XIRP2: variants seen among roughly 807,000 people sequenced by gnomAD.
XIRP2 encodes xin actin-binding repeat-containing protein 2.
A neutral mutation model predicts 277.0 loss-of-function variants in XIRP2; 236 were observed. The observed-to-expected ratio is 0.85, with a 90% CI of 0.77 to 0.95. The LOEUF (loss-of-function observed/expected upper bound fraction) is 0.95. Among genes scored for constraint, XIRP2 ranks in the 40% least tolerant of loss-of-function variants. The probability of loss-of-function intolerance (pLI) is 0.00; values close to 1 mark genes in which losing one functional copy is unlikely to be tolerated. For missense variants in XIRP2, 4,640 were observed against 4,157.5 expected, an observed-to-expected ratio of 1.12 and a Z score of -3.19; for synonymous variants, 1,490 against 1,416.5, an observed-to-expected ratio of 1.05 and a Z score of -1.17.
At chr2:167,041,220 A>G (rs1688654145) in intron 2 of XIRP2, among the ~76,000 whole-genome samples, 1 of 152,186 alleles carries the variant, frequency 6.6e-6, no homozygotes, top group South Asian at 2.1e-4. Flanking sequence ...GCTCACATAT[A>G]TGAGAAAGAA....
chr2:167,166,145 T>TAA (rs910103074), intron 3 of XIRP2, among the ~76,000 whole-genome samples: 7 of 152,220 alleles, frequency 4.6e-5, no homozygotes, highest in Non-Finnish European at 1.0e-4. Flanking sequence ...CAAATTTTGA[T>TAA]AAGTTGTATT....
intron 2 of XIRP2, among the ~76,000 whole-genome samples, chr2:167,056,316 T>A (rs1032721518): frequency 2.6e-5 from 4 of 152,174 alleles, no homozygotes; most frequent in Non-Finnish European, 5.9e-5. Flanking sequence ...AATTACTTTT[T>A]TACAGATACA....
rs1559050182 is a variant in XIRP2, at chr2:167,259,131, T to C, written c.*1314T>C. 2 of 1,612,646 alleles carry C rather than the reference T, an allele frequency of 1.2e-6. No homozygotes were observed. Among genetic ancestry groups the C allele is most frequent in the African/African-American group, 1.3e-5 (1 of 74,902 alleles). The stretch of plus-strand genomic sequence containing the variant: ...TTCAATTGTGATTTAATAGATTCTG[T>C]AGATCAAATTAAAAATATGCCATGC... On this transcript the variant is annotated 3_prime_UTR_variant, in exon 11 of 11. Coordinates refer to ENST00000409195, the MANE Select transcript of XIRP2 (RefSeq NM_152381.6).
At chr2:167,080,470 T>TGGGATAACA (rs1454182236) in intron 2 of XIRP2, among the ~76,000 whole-genome samples, 2 of 152,008 alleles carry the variant, frequency 1.3e-5, no homozygotes, top group Non-Finnish European at 2.9e-5. Flanking sequence ...CAGAATCTAA[T>TGGGATAACA]GGGATAACAT....
intron 2 of XIRP2, among the ~76,000 whole-genome samples, chr2:167,015,596 A>G (rs1200046613): frequency 6.6e-6 from 1 of 151,860 alleles, no homozygotes; most frequent in African/African-American, 2.4e-5. Context: ...TTGCAATATT[A>G]CCACTCCAAA....
intron 3 of XIRP2, among the ~76,000 whole-genome samples, chr2:167,163,961 A>T (rs1175880002): frequency 6.6e-6 from 1 of 152,140 alleles, no homozygotes; most frequent in South Asian, 2.1e-4. Flanking sequence ...AACATAATAC[A>T]TTGTATTCTG....
intron 3 of XIRP2, among the ~76,000 whole-genome samples, chr2:167,201,234 G>GA (rs1559018243): frequency 9.9e-6 from 1 of 101,186 alleles, no homozygotes; most frequent in Non-Finnish European, 1.8e-5. Context: ...AAGAAAGAAA[G>GA]AAAGAAAGAA....
intron 5 of XIRP2, among the ~76,000 whole-genome samples, chr2:167,219,250 A>T (rs1199759914): frequency 2.0e-5 from 3 of 152,162 alleles, no homozygotes; most frequent in African/African-American, 4.8e-5. Context: ...CAATAAATTT[A>T]TGGCAAGATT....
intron 2 of XIRP2, among the ~76,000 whole-genome samples, chr2:166,932,671 TTCACA>T (rs1340041427): frequency 6.6e-6 from 1 of 152,236 alleles, no homozygotes; most frequent in African/African-American, 2.4e-5. Context: ...TTTACTATTT[TTCACA>T]TTTAGTTCTG....
chr2:167,077,870 G>A (rs1399417642), intron 2 of XIRP2, among the ~76,000 whole-genome samples: 1 of 152,202 alleles, frequency 6.6e-6, no homozygotes, highest in Non-Finnish European at 1.5e-5. Context: ...GTTGAAAATA[G>A]ACTATTGGCG....
At chr2:167,184,524 T>C in intron 3 of XIRP2, 1 of 713,344 alleles carries the variant, frequency 1.4e-6, no homozygotes, top group East Asian at 2.7e-5. Flanking sequence ...GGTTCTGCTG[T>C]TTTTCTGTTT....
At chr2:167,005,139 A>G (rs1468402006) in intron 2 of XIRP2, among the ~76,000 whole-genome samples, 1 of 151,900 alleles carries the variant, frequency 6.6e-6, no homozygotes, top group Non-Finnish European at 1.5e-5. Context: ...GCAAATAACA[A>G]GTTAAAACAA....
intron 2 of XIRP2, among the ~76,000 whole-genome samples, chr2:167,131,329 A>G (rs1440410016): frequency 6.6e-6 from 1 of 152,162 alleles, no homozygotes; most frequent in Non-Finnish European, 1.5e-5. Flanking sequence ...ATCTCATTAA[A>G]TAATTTGAGT....
At chr2:166,898,562 A>T (rs958148021) in intron 1 of XIRP2, among the ~76,000 whole-genome samples, 5 of 152,152 alleles carry the variant, frequency 3.3e-5, no homozygotes, top group African/African-American at 1.2e-4. Context: ...GATCTTTTGT[A>T]TGATTTATCT....
chr2:167,116,264 G>T (rs996012110), intron 2 of XIRP2, among the ~76,000 whole-genome samples: 3 of 152,110 alleles, frequency 2.0e-5, no homozygotes, highest in Admixed American at 2.0e-4. Flanking sequence ...TGGTGAGTTT[G>T]TCTATTTCTC....
intron 2 of XIRP2, among the ~76,000 whole-genome samples, chr2:167,026,252 GT>G (rs1247404298): frequency 1.3e-5 from 2 of 152,064 alleles, no homozygotes; most frequent in Admixed American, 6.6e-5. Flanking sequence ...TTTGAAGTCT[GT>G]TTTATCAGAG....
chr2:167,024,012 TG>T (rs1304201868), intron 2 of XIRP2, among the ~76,000 whole-genome samples: 2 of 152,192 alleles, frequency 1.3e-5, no homozygotes, highest in African/African-American at 4.8e-5. Flanking sequence ...GGTAGCTTGA[TG>T]GGGATGGCAT....
chr2:166,980,607 G>A (rs1307845895), intron 2 of XIRP2, among the ~76,000 whole-genome samples: 1 of 151,992 alleles, frequency 6.6e-6, no homozygotes, highest in African/African-American at 2.4e-5. Flanking sequence ...TAGTAGAGAT[G>A]GGGTTTCACC....
At chr2:167,025,639 A>T (rs963988695) in intron 2 of XIRP2, among the ~76,000 whole-genome samples, 3 of 151,926 alleles carry the variant, frequency 2.0e-5, no homozygotes, top group African/African-American at 7.2e-5. Flanking sequence ...TGTCCCAGAG[A>T]TTCTGGTATG....
Sources: gnomAD v4.1 joint callset for allele counts (sites outside exome capture counted in the v4.1 genomes callset) on GRCh38, gnomAD v4.1.1 for gene constraint, MANE v1.5 for transcripts, NCBI Gene and HGNC (gene_info 2026-07-23, HGNC 2026-07-21) for gene names.